The following XYLT1 variants were observed in gnomAD, a reference collection of about 807,000 sequenced individuals.
XYLT1 encodes beta-D-xylosyltransferase 1.
In XYLT1, 36 loss-of-function variants were observed where a neutral mutation model predicts 91.3. That is an observed-to-expected ratio of 0.39 (90% CI 0.30 to 0.52). XYLT1 has a LOEUF of 0.52. Ranked by LOEUF, XYLT1 falls within the 20% of genes least tolerant of loss-of-function variation. The pLI, the probability that XYLT1 is intolerant of heterozygous loss-of-function variation, is 0.68. For missense variants in XYLT1, 1,242 were observed against 1,284.5 expected, an observed-to-expected ratio of 0.97 and a Z score of 0.51; for synonymous variants, 588 against 532.0, an observed-to-expected ratio of 1.11 and a Z score of -1.45.
At chr16:17,167,722 G>A (rs528162195) in intron 5 of XYLT1, among the ~76,000 whole-genome samples, 29 of 150,748 alleles carry the variant, frequency 1.9e-4, no homozygotes, top group East Asian at 5.9e-4. Flanking sequence ...TTTCCATCTC[G>A]TGAATGGATT....
chr16:17,135,427 C>G (rs571890019), intron 8 of XYLT1, among the ~76,000 whole-genome samples: 2 of 152,082 alleles, frequency 1.3e-5, no homozygotes, highest in Non-Finnish European at 2.9e-5. Context: ...GAGGCTGAGA[C>G]AGGAGAATCA....
chr16:17,138,505 G>A lies in XYLT1; in HGVS notation c.1614C>T (p.Asn538=), dbSNP rs2141515677. The A allele has an allele frequency of 6.2e-7, 1 of 1,613,826 alleles. No individual in the cohort carries two copies. The highest frequency in any genetic ancestry group is 2.2e-5 in the East Asian group (1 of 44,582). The change falls in exon 8 of 12, where the codon AAC becomes AAT. Residue 538 remains asparagine, a synonymous_variant. Coordinates refer to ENST00000261381, the MANE Select transcript of XYLT1 (RefSeq NM_022166.4). ...CCACCATGGTGTCGCAGTGGGGGCT[G>A]TTCTCCAGGACCGTATGGAAGAAGG... The part of the protein sequence containing the change: ...AESFFHTVLE[N]SPHCDTMVDN...
intron 2 of XYLT1, among the ~76,000 whole-genome samples, chr16:17,296,910 T>C (rs927031020): frequency 8.5e-5 from 13 of 152,308 alleles, no homozygotes; most frequent in African/African-American, 3.1e-4. Context: ...GAGTCTCAAT[T>C]TCCTTATCTG....
chr16:17,201,621 C>G (rs547862252), intron 3 of XYLT1, among the ~76,000 whole-genome samples: 21 of 152,098 alleles, frequency 1.4e-4, no homozygotes, highest in African/African-American at 4.6e-4. Flanking sequence ...ATTACAGGCA[C>G]GCAACACCAT....
chr16:17,415,214 A>T (rs936002658), intron 1 of XYLT1, among the ~76,000 whole-genome samples: 2 of 151,936 alleles, frequency 1.3e-5, no homozygotes, highest in Admixed American at 6.6e-5. Flanking sequence ...TCCTCTCCCT[A>T]CTTTCAATCT....
At chr16:17,461,175 C>T (rs1386351514) in intron 1 of XYLT1, among the ~76,000 whole-genome samples, 1 of 152,174 alleles carries the variant, frequency 6.6e-6, no homozygotes, top group Admixed American at 6.5e-5. Flanking sequence ...GAGCTTGGGC[C>T]CCATGAGCAG....
chr16:17,150,181 G>A (rs751273422), intron 6 of XYLT1, among the ~76,000 whole-genome samples: 14 of 152,272 alleles, frequency 9.2e-5, no homozygotes, highest in South Asian at 8.3e-4. Context: ...ATGAGCTCGC[G>A]AGGATTCAGC....
chr16:17,368,236 G>A (rs1024911183), intron 1 of XYLT1, among the ~76,000 whole-genome samples: 8 of 152,180 alleles, frequency 5.3e-5, no homozygotes, highest in East Asian at 3.9e-4. Context: ...GGACAGAAGA[G>A]AGACGATGAG....
At chr16:17,426,426 G>A (rs188207191) in intron 1 of XYLT1, among the ~76,000 whole-genome samples, 3 of 152,184 alleles carry the variant, frequency 2.0e-5, no homozygotes, top group East Asian at 3.9e-4. Context: ...CAGGCGTGGT[G>A]GTCCAGCTAC....
rs182320140 is a variant in XYLT1 at position 17,268,310 on chromosome 16, T to C, written c.403-8812A>G. Among the ~76,000 whole-genome samples the C allele has an allele frequency of 9.8e-5, 15 of 152,354 alleles. No homozygotes were observed. In the East Asian group the frequency reaches 2.7e-3, roughly 27 times the overall value. On this transcript the variant is annotated intron_variant, in intron 2 of 11. Transcript: ENST00000261381. ...GCATACTTTTCATAAATATATTTTA[T>C]ATACACAAGTAATAGGTTATTATGA...
At chr16:17,375,039 C>T (rs1216506562) in intron 1 of XYLT1, among the ~76,000 whole-genome samples, 1 of 152,158 alleles carries the variant, frequency 6.6e-6, no homozygotes, top group Non-Finnish European at 1.5e-5. Context: ...GGTGGCTCAA[C>T]CTGCAACAAC....
chr16:17,233,654 T>C (rs1457139119), intron 3 of XYLT1, among the ~76,000 whole-genome samples: 1 of 152,192 alleles, frequency 6.6e-6, no homozygotes, highest in Admixed American at 6.5e-5. Flanking sequence ...TCAAGAGATT[T>C]CAGATTAAAA....
intron 1 of XYLT1, among the ~76,000 whole-genome samples, chr16:17,461,606 AGATG>A (rs2036823313): frequency 1.3e-5 from 2 of 152,130 alleles, no homozygotes; most frequent in South Asian, 2.1e-4. Context: ...ATGGACGGAT[AGATG>A]GATGGATGGA....
chr16:17,426,131 C>A (rs1470677578), intron 1 of XYLT1, among the ~76,000 whole-genome samples: 1 of 152,116 alleles, frequency 6.6e-6, no homozygotes, highest in Non-Finnish European at 1.5e-5. Context: ...ACTGAGGATA[C>A]CACATTAAAG....
intron 6 of XYLT1, among the ~76,000 whole-genome samples, chr16:17,150,231 C>T (rs2031248607): frequency 6.6e-6 from 1 of 152,170 alleles, no homozygotes; most frequent in Non-Finnish European, 1.5e-5. Flanking sequence ...AGGGCCCCTG[C>T]TAGCCATTTC....
At chr16:17,255,325 T>C (rs1206478680) in intron 3 of XYLT1, among the ~76,000 whole-genome samples, 1 of 152,138 alleles carries the variant, frequency 6.6e-6, no homozygotes, top group East Asian at 1.9e-4. Context: ...TTAGGTTTAA[T>C]GGGAACATAG....
At chr16:17,432,722 T>C (rs12447020) in intron 1 of XYLT1, among the ~76,000 whole-genome samples, 2,338 of 152,232 alleles carry the variant, frequency 0.015, 31 homozygotes, top group African/African-American at 0.036. Context: ...TATCTTTCCC[T>C]TTTTCATCGC....
intron 1 of XYLT1, among the ~76,000 whole-genome samples, chr16:17,438,180 T>C (rs1010861649): frequency 6.6e-6 from 1 of 152,142 alleles, no homozygotes; most frequent in South Asian, 2.1e-4. Flanking sequence ...TCCCCACAGA[T>C]GAGATCAGGC....
At chr16:17,237,331 AT>A (rs888988287) in intron 3 of XYLT1, among the ~76,000 whole-genome samples, 12 of 151,742 alleles carry the variant, frequency 7.9e-5, no homozygotes, top group South Asian at 2.1e-4. Context: ...GAAACTATTA[AT>A]TTTTTTTTCC....
Sources: gnomAD v4.1 joint callset for allele counts (sites outside exome capture counted in the v4.1 genomes callset) on GRCh38, gnomAD v4.1.1 for gene constraint, MANE v1.5 for transcripts, NCBI Gene and HGNC (gene_info 2026-07-23, HGNC 2026-07-21) for gene names.